The following ADAMTSL2 variants were observed in gnomAD, a reference collection of about 807,000 sequenced individuals.
ADAMTSL2 encodes ADAMTS-like protein 2.
A neutral mutation model predicts 117.0 loss-of-function variants in ADAMTSL2; 55 were observed. The ratio of observed to expected loss-of-function variants is 0.47; its 90% CI spans 0.38 to 0.59. ADAMTSL2 has a LOEUF of 0.59. Among genes scored for constraint, ADAMTSL2 ranks in the 20% least tolerant of loss-of-function variants. The pLI is 0.00. For synonymous variants in ADAMTSL2, 572 were observed against 566.4 expected (o/e 1.01, Z -0.14); for missense variants, 1,182 against 1,354.5 (o/e 0.87, Z 2.00).
chr9:133,536,109 A>T (rs941993105), intron 1 of ADAMTSL2, among the ~76,000 whole-genome samples: 4 of 152,182 alleles, frequency 2.6e-5, no homozygotes, highest in African/African-American at 9.7e-5. Context: ...CTGTTGCTGG[A>T]TGCTGACTGT....
chr9:133,550,306 C>T (rs984392874), intron 9 of ADAMTSL2, among the ~76,000 whole-genome samples: 3 of 152,238 alleles, frequency 2.0e-5, no homozygotes, highest in Non-Finnish European at 2.9e-5. Flanking sequence ...TCCTCACGGG[C>T]GTGCTGCCTT....
At chr9:133,551,303 CA>C (rs1564501438) in intron 9 of ADAMTSL2, among the ~76,000 whole-genome samples, 1 of 149,680 alleles carries the variant, frequency 6.7e-6, no homozygotes. Context: ...AGGGCCCCCC[CA>C]CACACAGCCA....
At position 133,543,117 on chromosome 9, in the gene ADAMTSL2, T is replaced by C. The variant is rs182606117; in HGVS notation, c.683-1353T>C. 7.3e-4 allele frequency among the ~76,000 whole-genome samples: 107 copies of C among 147,052 alleles called. 2 individuals are homozygous for C. The highest frequency in any genetic ancestry group is 3.1e-3 in the Admixed American group (46 of 14,784). ...GCTCCCACCGCCATGCCCAGCTAAA[T>C]TTTTTTTGCATTTTTAGTAGAGACA... On this transcript the variant is annotated intron_variant, in intron 7 of 18. Coordinates refer to ENST00000651351, the MANE Select transcript of ADAMTSL2 (RefSeq NM_014694.4).
intron 9 of ADAMTSL2, among the ~76,000 whole-genome samples, chr9:133,552,875 C>A (rs1185431789): frequency 6.6e-6 from 1 of 152,212 alleles, no homozygotes; most frequent in Non-Finnish European, 1.5e-5. Context: ...ATCCTAGTAG[C>A]CTGGTAGCAT....
chr9:133,545,566 C>G (rs1021599711), intron 8 of ADAMTSL2, among the ~76,000 whole-genome samples: 1 of 152,212 alleles, frequency 6.6e-6, no homozygotes, highest in African/African-American at 2.4e-5. Flanking sequence ...GCTCCACCAC[C>G]CAGCGCCCTG....
chr9:133,550,100 A>G (rs1830448943), intron 9 of ADAMTSL2, among the ~76,000 whole-genome samples: 1 of 152,230 alleles, frequency 6.6e-6, no homozygotes, highest in East Asian at 1.9e-4. Flanking sequence ...GCTCACAGCT[A>G]TGGCTGTGTG....
chr9:133,540,813 A>C, intron 6 of ADAMTSL2, 65 bp from the exon 7 acceptor site: 1 of 1,613,326 alleles, frequency 6.2e-7, no homozygotes, highest in Non-Finnish European at 8.5e-7. Context: ...TGTGGGAGGC[A>C]GTGGCGGCCC....
In ADAMTSL2 at chr9:133,569,907, G is replaced by T. The variant is rs72619332; in HGVS notation, c.2415+329G>T. ...GCCTGCTCCTGGCCCAGGGGCCTTTGCGACCTCTGATCGTGACCAGTGTGT... is the reference window on the plus strand; with the variant it reads ...GCCTGCTCCTGGCCCAGGGGCCTTTTCGACCTCTGATCGTGACCAGTGTGT... On this transcript the variant is annotated intron_variant, in intron 16 of 18. Coordinates refer to ENST00000651351, the MANE Select transcript of ADAMTSL2 (RefSeq NM_014694.4). Among the ~76,000 whole-genome samples, 152 of 152,334 alleles carry T rather than the reference G, an allele frequency of 1.0e-3. No homozygotes were observed. In the East Asian group the frequency reaches 0.022, roughly 22 times the overall value.
intron 17 of ADAMTSL2, 98 bp from the exon 18 acceptor site, chr9:133,573,745 G>A: frequency 6.7e-7 from 1 of 1,491,568 alleles, no homozygotes; most frequent in Non-Finnish European, 9.3e-7. Context: ...TGGGAAGGGT[G>A]GGGTGGGGAA....
At position 133,568,387 on chromosome 9, in the gene ADAMTSL2, C is replaced by T. The variant is rs967033134; in HGVS notation, c.1989C>T (p.Ser663=). 2.6e-5 allele frequency: 41 copies of T among 1,606,458 alleles called. No homozygotes were observed. Among genetic ancestry groups the T allele is most frequent in the African/African-American group, 4.0e-5 (3 of 74,866 alleles). The change falls in exon 14 of 19, where the codon AGC becomes AGT. Residue 663 remains serine, a synonymous_variant. Transcript: ENST00000651351. ...CCGGCTTCGACAGCTCCGTGTACAG[C>T]GACCTGTGCGAGGCAGCCGAGGCCG... is the stretch of plus-strand genomic sequence containing the variant. ...LSPGFDSSVY[S]DLCEAAEAVR...
At chr9:133,570,246 C>CG in intron 16 of ADAMTSL2, 85 bp from the exon 17 acceptor site, 1 of 1,461,754 alleles carries the variant, frequency 6.8e-7, no homozygotes, top group Non-Finnish European at 9.2e-7. Flanking sequence ...TTGACCAGCC[C>CG]GTTGTCACCA....
At chr9:133,542,235 G>A (rs1001128993) in intron 7 of ADAMTSL2, among the ~76,000 whole-genome samples, 1 of 152,266 alleles carries the variant, frequency 6.6e-6, no homozygotes, top group Non-Finnish European at 1.5e-5. Context: ...GGACGGGCGT[G>A]CCGGACTGAC....
At chr9:133,542,232 C>T (rs28617481) in intron 7 of ADAMTSL2, among the ~76,000 whole-genome samples, 11,522 of 152,220 alleles carry the variant, frequency 0.076, 632 homozygotes, top group Non-Finnish European at 0.12. Flanking sequence ...TAGGGACGGG[C>T]GTGCCGGACT....
chr9:133,536,054 G>A (rs1830043158), intron 1 of ADAMTSL2, among the ~76,000 whole-genome samples: 1 of 152,208 alleles, frequency 6.6e-6, no homozygotes, highest in Admixed American at 6.5e-5. Context: ...TCCGGGGATC[G>A]GGAGGCGGCA....
intron 9 of ADAMTSL2, among the ~76,000 whole-genome samples, chr9:133,550,592 C>T (rs1225051435): frequency 6.6e-6 from 1 of 152,082 alleles, no homozygotes; most frequent in Non-Finnish European, 1.5e-5. Flanking sequence ...CTTCCCCTTC[C>T]AGGATGGAAG....
In ADAMTSL2 at chr9:133,554,629, C is replaced by T. The variant is rs1469979317; in HGVS notation, c.1212C>T (p.Asn404=). ...GCCCCAGCCAGGGCCAGGAGACCAA[C>T]GAGGTGTGCGAGCAGGCCGGCGGCG... The part of the protein sequence containing the change: ...ELGPSQGQET[N]EVCEQAGGGA... Residue 404 remains asparagine (N), a synonymous_variant, in exon 10 of 19, where the codon AAC becomes AAT. Coordinates refer to ENST00000651351, the MANE Select transcript of ADAMTSL2 (RefSeq NM_014694.4). The surrounding 1 kb of genome is among the most constrained non-coding windows in gnomAD (Gnocchi z 5.2). 55 of 1,542,254 alleles carry T rather than the reference C, an allele frequency of 3.6e-5. No individual in the cohort carries two copies. The highest frequency in any genetic ancestry group is 5.9e-5 in the Admixed American group (3 of 50,868).
chr9:133,544,173 C>T (rs1371618261), intron 7 of ADAMTSL2, among the ~76,000 whole-genome samples: 5 of 152,254 alleles, frequency 3.3e-5, no homozygotes, highest in African/African-American at 4.8e-5. Context: ...CCGGACTGAA[C>T]TCCCAGTGTG....
At chr9:133,562,640 G>A (rs1275169897) in intron 12 of ADAMTSL2, among the ~76,000 whole-genome samples, 1 of 135,768 alleles carries the variant, frequency 7.4e-6, no homozygotes, top group East Asian at 2.1e-4. Flanking sequence ...GGTTCGCACC[G>A]CCGTGGGCGG....
rs143046395 is a variant in ADAMTSL2 at position 133,540,946 on chromosome 9, C to T, written c.627C>T (p.Asp209=). ...TLDKCGICQG[D]GSSCTHVTGN... Reference sequence around the variant, plus strand: ...ACAAGTGTGGCATCTGCCAGGGGGACGGTAGCAGCTGCACCCACGTGACGG... The same window carrying T: ...ACAAGTGTGGCATCTGCCAGGGGGATGGTAGCAGCTGCACCCACGTGACGG... The change falls in exon 7 of 19, where the codon GAC becomes GAT. Residue 209 remains aspartate (D), a synonymous_variant. Coordinates refer to ENST00000651351, the MANE Select transcript of ADAMTSL2 (RefSeq NM_014694.4). 88 of 1,613,408 alleles carry T rather than the reference C, an allele frequency of 5.5e-5. No individual in the cohort carries two copies. In the African/African-American group the frequency reaches 6.3e-4, roughly 11 times the overall value.
Sources: allele counts gnomAD v4.1 joint callset (sites outside exome capture counted in the v4.1 genomes callset), GRCh38; gene constraint gnomAD v4.1.1; non-coding constraint Gnocchi (gnomAD v3.1); transcripts MANE v1.5; gene names NCBI Gene and HGNC (gene_info 2026-07-23, HGNC 2026-07-21).